CDS1: variants seen among roughly 807,000 people sequenced by gnomAD.
CDS1 encodes phosphatidate cytidylyltransferase 1.
In CDS1, 41 loss-of-function variants were observed where a neutral mutation model predicts 62.1. The observed-to-expected ratio is 0.66, with a 90% CI of 0.51 to 0.86. CDS1 has a LOEUF of 0.86. Among genes scored for constraint, CDS1 ranks in the 40% least tolerant of loss-of-function variants. The pLI is 0.00. For synonymous variants in CDS1, 185 were observed against 192.6 expected (o/e 0.96, Z 0.32); for missense variants, 470 against 550.1 (o/e 0.85, Z 1.46).
At chr4:84,587,908 A>G (rs929142213) in intron 1 of CDS1, among the ~76,000 whole-genome samples, 4 of 152,308 alleles carry the variant, frequency 2.6e-5, no homozygotes, top group African/African-American at 4.8e-5. Flanking sequence ...TAAAAGTGTC[A>G]GACTCTCAGT....
rs1724030643 is a variant in CDS1 at position 84,631,852 on chromosome 4, A to C, written c.614A>C (p.Lys205Thr). The change falls in exon 6 of 13, where the codon AAA (lysine) becomes ACA (threonine). Residue 205 changes from lysine to threonine, a missense_variant. Transcript: ENST00000295887. ...ATGTTTGTACTGAGTTTGGTGAAGA[A>C]ACATTATCGTCTGCAGTTTTATATG... ...FCMFVLSLVK[K>T]HYRLQFYMFA... The C allele has an allele frequency of 2.5e-6, 4 of 1,611,932 alleles. No homozygotes were observed. The East Asian group carries it at 8.9e-5, about 36-fold the overall frequency.
intron 3 of CDS1, among the ~76,000 whole-genome samples, chr4:84,616,534 A>G (rs367769380): frequency 6.6e-6 from 1 of 152,188 alleles, no homozygotes; most frequent in African/African-American, 2.4e-5. Flanking sequence ...AAGGAGCTGC[A>G]TATGTTTCAG....
At chr4:84,633,643 A>G (rs936927807) in intron 6 of CDS1, among the ~76,000 whole-genome samples, 1 of 152,210 alleles carries the variant, frequency 6.6e-6, no homozygotes, top group Non-Finnish European at 1.5e-5. Context: ...TATATAAATT[A>G]AGGTTACTTT....
rs372594922 is a variant in CDS1, at chr4:84,614,247, A to G, written c.343-3317A>G. On this transcript the variant is annotated intron_variant, in intron 3 of 12. Coordinates refer to ENST00000295887, the MANE Select transcript of CDS1 (RefSeq NM_001263.4). ...AGCCTGGATAATATGGCACAACCCT[A>G]TCTCTAAAAAAACCAAACTTTTAAA... 1.7e-4 allele frequency among the ~76,000 whole-genome samples: 26 copies of G among 152,204 alleles called. No homozygotes were observed. The East Asian group carries it at 3.3e-3, about 19-fold the overall frequency.
intron 1 of CDS1, among the ~76,000 whole-genome samples, chr4:84,594,254 C>T (rs995521555): frequency 1.4e-4 from 21 of 151,898 alleles, no homozygotes; most frequent in African/African-American, 4.1e-4. Flanking sequence ...TATATAGCAC[C>T]CTGAGATACT....
chr4:84,600,626 A>G (rs1275527339), intron 1 of CDS1, among the ~76,000 whole-genome samples: 2 of 152,192 alleles, frequency 1.3e-5, no homozygotes, highest in Non-Finnish European at 2.9e-5. Context: ...TTTATGGACT[A>G]TTCTTTTCCA....
At chr4:84,632,983 G>T (rs1229751262) in intron 6 of CDS1, among the ~76,000 whole-genome samples, 1 of 152,092 alleles carries the variant, frequency 6.6e-6, no homozygotes, top group African/African-American at 2.4e-5. Context: ...AATTAACCGG[G>T]CGTGGTGGCA....
chr4:84,645,426 A>G, intron 12 of CDS1, 101 bp downstream of exon 12: 1 of 712,944 alleles, frequency 1.4e-6, no homozygotes, highest in Non-Finnish European at 2.5e-6. Context: ...ATGGTAATCT[A>G]CAATATTAAA....
chr4:84,599,123 A>T (rs1210043593), intron 1 of CDS1, among the ~76,000 whole-genome samples: 1 of 152,118 alleles, frequency 6.6e-6, no homozygotes, highest in Non-Finnish European at 1.5e-5. Flanking sequence ...CAAGATAAAC[A>T]TGCTGGCCAA....
At chr4:84,585,938 C>T (rs1252560213) in intron 1 of CDS1, among the ~76,000 whole-genome samples, 6 of 152,084 alleles carry the variant, frequency 3.9e-5, no homozygotes, top group African/African-American at 1.2e-4. Flanking sequence ...GCATGCTTGG[C>T]GTCTACCTGG....
chr4:84,601,056 C>T (rs981273651), intron 1 of CDS1, among the ~76,000 whole-genome samples: 10 of 150,638 alleles, frequency 6.6e-5, no homozygotes, highest in African/African-American at 2.4e-4. Context: ...GCCTGTAGTC[C>T]CGGCTACTCA....
At chr4:84,631,901 A>G in intron 6 of CDS1, 24 bp downstream of exon 6, 1 of 1,528,658 alleles carries the variant, frequency 6.5e-7, no homozygotes, top group Admixed American at 1.7e-5. Flanking sequence ...ATTATTCCTT[A>G]GTCATTATCT....
At chr4:84,635,688 T>TCCCTCCCTCCC (rs1491119801) in intron 8 of CDS1, among the ~76,000 whole-genome samples, 1 of 56,498 alleles carries the variant, frequency 1.8e-5, no homozygotes, top group African/African-American at 8.1e-5. Flanking sequence ...CCTTCCTTCC[T>TCCCTCCCTCCC]TCCCTCCTTC....
intron 1 of CDS1, among the ~76,000 whole-genome samples, chr4:84,593,633 T>C (rs1271045780): frequency 2.0e-5 from 3 of 151,918 alleles, no homozygotes; most frequent in African/African-American, 4.8e-5. Flanking sequence ...GCCTCCTGAG[T>C]AGCTGGTATT....
Position 84,589,493 on chromosome 4 carries a change from G to A in CDS1, c.117+5975G>A, listed in dbSNP as rs1325761330. The stretch of plus-strand genomic sequence containing the variant: ...TCTAGGCCATTAATAAAATACTAAT[G>A]TTTAGATCTAGATTTCTGGACTACC... On this transcript the variant is annotated intron_variant, in intron 1 of 12. Transcript: ENST00000295887. Among the ~76,000 whole-genome samples, 5 of 152,240 alleles carry A rather than the reference G, an allele frequency of 3.3e-5. No individual in the cohort carries two copies. In the East Asian group the frequency reaches 7.7e-4, roughly 23 times the overall value.
chr4:84,621,579 T>C (rs1211338468), intron 5 of CDS1, among the ~76,000 whole-genome samples: 1 of 152,172 alleles, frequency 6.6e-6, no homozygotes, highest in African/African-American at 2.4e-5. Flanking sequence ...TTTGTTACTT[T>C]TTAAAATTTT....
At chr4:84,601,027 G>GCCAGGTGC (rs1402574758) in intron 1 of CDS1, among the ~76,000 whole-genome samples, 1 of 151,982 alleles carries the variant, frequency 6.6e-6, no homozygotes, top group Non-Finnish European at 1.5e-5. Flanking sequence ...AAAAAAATTA[G>GCCAGGTGC]CCAGGTGCGG....
At chr4:84,585,385 A>G (rs1005023431) in intron 1 of CDS1, among the ~76,000 whole-genome samples, 6 of 152,338 alleles carry the variant, frequency 3.9e-5, no homozygotes, top group Admixed American at 3.9e-4. Context: ...AGAGTTTATC[A>G]TGAGGAACTT....
rs941135874 is a variant in CDS1, at chr4:84,650,818, A to C, written c.*2132A>C. ...GGAGCTCTCGATTGACCTTTTTAGC[A>C]TACTTTTATAGCATGTATATTAAAA... is the stretch of plus-strand genomic sequence containing the variant. On this transcript the variant is annotated 3_prime_UTR_variant, in exon 13 of 13. Coordinates refer to ENST00000295887, the MANE Select transcript of CDS1 (RefSeq NM_001263.4). The C allele has an allele frequency of 6.6e-6, 1 of 152,230 alleles. No individual in the cohort carries two copies. Among genetic ancestry groups the C allele is most frequent in the Admixed American group, 6.5e-5 (1 of 15,284 alleles). 9.4% of individuals were successfully genotyped at this position (152,230 alleles called of 1,614,324 possible).
Sources: gnomAD v4.1 joint callset for allele counts (sites outside exome capture counted in the v4.1 genomes callset) on GRCh38, gnomAD v4.1.1 for gene constraint, MANE v1.5 for transcripts, NCBI Gene and HGNC (gene_info 2026-07-23, HGNC 2026-07-21) for gene names.